Variants in AK8 observed in about 807,000 individuals in gnomAD.
The protein encoded by AK8 is adenylate kinase 8, also known as ATP-AMP transphosphorylase 8.
AK8 carries 44 observed loss-of-function variants against 54.6 expected under a neutral mutation model. The observed-to-expected ratio is 0.81, with a 90% CI of 0.63 to 1.04. AK8 has a LOEUF of 1.04. AK8 is among the 50% of genes least tolerant of loss of function. AK8 has a pLI of 0.00. For synonymous variants in AK8, 239 were observed against 245.6 expected, an observed-to-expected ratio of 0.97 and a Z score of 0.25; for missense variants, 555 against 613.6, an observed-to-expected ratio of 0.90 and a Z score of 1.01.
chr9:132,875,086 G>C, intron 2 of AK8, 29 bp downstream of exon 2: 1 of 1,613,360 alleles, frequency 6.2e-7, no homozygotes, highest in Non-Finnish European at 8.5e-7. Context: ...GGGAAGACGA[G>C]GAGGGGAAGA....
At chr9:132,806,698 A>G (rs1021493421) in intron 10 of AK8, among the ~76,000 whole-genome samples, 10 of 152,228 alleles carry the variant, frequency 6.6e-5, no homozygotes, top group Non-Finnish European at 1.3e-4. Context: ...TAGTGATGAG[A>G]ATATTAATTC....
In AK8 at chr9:132,860,910, T is replaced by C. The variant is rs1220912530; in HGVS notation, c.333+2755A>G. ...ACTGAATATTCAATCTCAGTAGATC[T>C]GGACTAAAACACCCATGGGGAAGGT... On this transcript the variant is annotated intron_variant, in intron 4 of 12. Coordinates refer to ENST00000298545, the MANE Select transcript of AK8 (RefSeq NM_152572.3). This position sits in a 1 kb window ranked among gnomAD's most constrained non-coding sequence, Gnocchi z 4.4. Among the ~76,000 whole-genome samples the C allele has an allele frequency of 6.6e-6, 1 of 152,204 alleles. No homozygotes were observed. The highest frequency in any genetic ancestry group is 2.4e-5 in the African/African-American group (1 of 41,442).
At chr9:132,733,132 C>T (rs1836930844) in intron 11 of AK8, among the ~76,000 whole-genome samples, 1 of 152,128 alleles carries the variant, frequency 6.6e-6, no homozygotes, top group Non-Finnish European at 1.5e-5. Flanking sequence ...CGGCTGGGAG[C>T]CATGAAAAGC....
intron 11 of AK8, among the ~76,000 whole-genome samples, chr9:132,756,472 C>A (rs1838194804): frequency 6.6e-6 from 1 of 152,216 alleles, no homozygotes. Flanking sequence ...ATTTGCATAC[C>A]TAAAAATTCA....
chr9:132,821,635 A>G (rs528606255), intron 9 of AK8, among the ~76,000 whole-genome samples: 14 of 151,754 alleles, frequency 9.2e-5, no homozygotes, highest in African/African-American at 3.4e-4. Flanking sequence ...CCTGAGAAGC[A>G]TTTTTATTCA....
At chr9:132,768,777 C>T (rs1265500681) in intron 11 of AK8, among the ~76,000 whole-genome samples, 7 of 152,138 alleles carry the variant, frequency 4.6e-5, no homozygotes, top group Non-Finnish European at 7.3e-5. Context: ...TCTGGACAGT[C>T]TCATGCTATG....
In AK8 at chr9:132,782,174, T is replaced by G. The variant is rs993321585; in HGVS notation, c.1121+10460A>C. 2.0e-5 allele frequency among the ~76,000 whole-genome samples: 3 copies of G among 152,138 alleles called. No individual in the cohort carries two copies. The South Asian group carries it at 6.2e-4, about 32-fold the overall frequency. On this transcript the variant is annotated intron_variant, in intron 11 of 12. Coordinates refer to ENST00000298545, the MANE Select transcript of AK8 (RefSeq NM_152572.3). ...CCCTGCCCTAAATCAAATCGGTTCT[T>G]GAATATTCCTCCTGTGTGCTTTTCC... is the stretch of plus-strand genomic sequence containing the variant.
In AK8 at chr9:132,803,446, C is replaced by T. The variant is rs575336592; in HGVS notation, c.980-10671G>A. On this transcript the variant is annotated intron_variant, in intron 10 of 12. Coordinates refer to ENST00000298545, the MANE Select transcript of AK8 (RefSeq NM_152572.3). The surrounding 1 kb of genome is among the most constrained non-coding windows in gnomAD (Gnocchi z 4.4). ...GGACTTGCTGTGAGTACCATTACTA[C>T]CACTAAGATGATGACGATGGCAACT... is the stretch of plus-strand genomic sequence containing the variant. Among the ~76,000 whole-genome samples, 1 of 152,126 alleles carries T rather than the reference C, an allele frequency of 6.6e-6. No individual in the cohort carries two copies. The highest frequency in any genetic ancestry group is 1.5e-5 in the Non-Finnish European group (1 of 68,036).
At chr9:132,823,145 A>G in intron 9 of AK8, 60 bp downstream of exon 9, 1 of 1,485,686 alleles carries the variant, frequency 6.7e-7, no homozygotes. Flanking sequence ...GCTGGGGAGG[A>G]GGGGCAGGAG....
intron 1 of AK8, among the ~76,000 whole-genome samples, chr9:132,875,560 C>G (rs1289227290): frequency 6.6e-6 from 1 of 152,244 alleles, no homozygotes; most frequent in Non-Finnish European, 1.5e-5. Flanking sequence ...ATGCTGTTCC[C>G]TCAGCTTGGA....
rs1428024667 is a variant in AK8, at chr9:132,826,489, T to C, written c.757+365A>G. 6.6e-6 allele frequency among the ~76,000 whole-genome samples: 1 copy of C among 152,130 alleles called. No individual in the cohort carries two copies. Among genetic ancestry groups the C allele is most frequent in the Non-Finnish European group, 1.5e-5 (1 of 68,022 alleles). ...GGTGGTTTTGTTTTTGTCTTAATCT[T>C]TATATATTTTTTCTTTCCTCTCCCT... On this transcript the variant is annotated intron_variant, in intron 8 of 12. Transcript: ENST00000298545. This position sits in a 1 kb window ranked among gnomAD's most constrained non-coding sequence, Gnocchi z 4.5.
At chr9:132,779,949 G>A (rs1445937917) in intron 11 of AK8, among the ~76,000 whole-genome samples, 1 of 152,134 alleles carries the variant, frequency 6.6e-6, no homozygotes, top group Non-Finnish European at 1.5e-5. Flanking sequence ...TCCTTTACTG[G>A]GCTGTTGAAT....
At chr9:132,830,529 C>T (rs1842063713) in intron 5 of AK8, among the ~76,000 whole-genome samples, 1 of 151,940 alleles carries the variant, frequency 6.6e-6, no homozygotes, top group Admixed American at 6.5e-5. Flanking sequence ...AGTATTTTTT[C>T]CATATGTTTG....
intron 11 of AK8, among the ~76,000 whole-genome samples, chr9:132,739,441 CAAAAAAAAAAAAAAAAAAAAAAA>C (rs768297504): frequency 7.7e-4 from 24 of 31,144 alleles, no homozygotes; most frequent in Admixed American, 1.8e-3. Flanking sequence ...GACTCTGTCT[CAAAAAAAAAAAAAAAAAAAAAAA>C]AAAAAAAAAA....
At chr9:132,779,236 T>C (rs1212310857) in intron 11 of AK8, among the ~76,000 whole-genome samples, 2 of 152,364 alleles carry the variant, frequency 1.3e-5, no homozygotes, top group Non-Finnish European at 2.9e-5. Context: ...TGGGGAAGTG[T>C]CATAGTAAAT....
At chr9:132,789,293 C>CA (rs1042306519) in intron 11 of AK8, among the ~76,000 whole-genome samples, 11 of 145,126 alleles carry the variant, frequency 7.6e-5, no homozygotes, top group South Asian at 4.4e-4. Flanking sequence ...GACTCTGTCT[C>CA]AAAAAAAAAG....
At chr9:132,869,172 T>C (rs777851836) in intron 2 of AK8, among the ~76,000 whole-genome samples, 6 of 152,200 alleles carry the variant, frequency 3.9e-5, no homozygotes, top group South Asian at 4.1e-4. Context: ...AGAGCAAGAC[T>C]TCGTCTCAAA....
At chr9:132,805,459 C>T (rs912598295) in intron 10 of AK8, among the ~76,000 whole-genome samples, 9 of 152,204 alleles carry the variant, frequency 5.9e-5, no homozygotes, top group South Asian at 2.1e-4. Flanking sequence ...ACAATGTTGT[C>T]GAATGGATGC....
At chr9:132,834,475 A>G (rs1842236095) in intron 5 of AK8, among the ~76,000 whole-genome samples, 1 of 152,190 alleles carries the variant, frequency 6.6e-6, no homozygotes, top group South Asian at 2.1e-4. Context: ...ATCCCAAACA[A>G]TATGCAACCC....
Sources: gnomAD v4.1 joint callset for allele counts (sites outside exome capture counted in the v4.1 genomes callset) on GRCh38, gnomAD v4.1.1 for gene constraint, Gnocchi (gnomAD v3.1) non-coding constraint, MANE v1.5 for transcripts, NCBI Gene and HGNC (gene_info 2026-07-23, HGNC 2026-07-21) for gene names.